Variants in NRG1 observed in about 807,000 individuals in gnomAD.
The protein encoded by NRG1 is pro-neuregulin-1, membrane-bound isoform.
In NRG1, 18 loss-of-function variants were observed where a neutral mutation model predicts 63.8. The ratio of observed to expected loss-of-function variants is 0.28; its 90% CI spans 0.19 to 0.42. The LOEUF is 0.42. Among genes scored for constraint, NRG1 ranks in the 10% least tolerant of loss-of-function variants. The probability of loss-of-function intolerance (pLI) is 1.00; values close to 1 mark genes in which losing one functional copy is unlikely to be tolerated. For missense variants in NRG1, 762 were observed against 814.7 expected (o/e 0.94, Z 0.79); for synonymous variants, 302 against 301.3 (o/e 1.00, Z -0.02).
chr8:31,640,483 G>T lies in NRG1; in HGVS notation c.37+1052G>T. The T allele has an allele frequency of 6.2e-7, 1 of 1,608,174 alleles. No individual in the cohort carries two copies. Among genetic ancestry groups the T allele is most frequent in the Non-Finnish European group, 8.5e-7 (1 of 1,178,194 alleles). On this transcript the variant is annotated intron_variant, in intron 1 of 10. Coordinates refer to the NRG1 transcript ENST00000519301. This position sits in a 1 kb window ranked among gnomAD's most constrained non-coding sequence, Gnocchi z 6.3. ...GCCCTATCTGGTGAAGGTGCACCAG[G>T]TGTGGGCGGTGAAAGCCGGGGGCTT...
chr8:32,724,475 G>A (rs1479879376), intron 5 of NRG1, among the ~76,000 whole-genome samples: 2 of 152,054 alleles, frequency 1.3e-5, no homozygotes, highest in African/African-American at 4.8e-5. Flanking sequence ...TTACATCCTG[G>A]TTGAATTACC....
intron 1 of NRG1, among the ~76,000 whole-genome samples, chr8:32,303,183 C>CAAAAAAAAAAA (rs1563291349): frequency 1.0e-4 from 6 of 59,700 alleles, no homozygotes; most frequent in African/African-American, 1.5e-4. Context: ...AACTCAGTCT[C>CAAAAAAAAAAA]CAAAAAAAAA....
chr8:32,771,713 A>T (rs1327322016), downstream of NRG1, among the ~76,000 whole-genome samples: 5 of 106,404 alleles, frequency 4.7e-5, no homozygotes, highest in African/African-American at 2.1e-4. Flanking sequence ...CTTTAAAAAA[A>T]AAATATATAT....
upstream of NRG1, among the ~76,000 whole-genome samples, chr8:32,543,697 C>T (rs1832788324): frequency 2.6e-5 from 4 of 152,224 alleles, no homozygotes; most frequent in South Asian, 8.3e-4. Context: ...TTAAAAGTCA[C>T]ACAAGCAGAA....
chr8:32,200,996 C>G (rs1444617829), intron 1 of NRG1, among the ~76,000 whole-genome samples: 1 of 152,120 alleles, frequency 6.6e-6, no homozygotes, highest in South Asian at 2.1e-4. Flanking sequence ...ATACCTTATT[C>G]TATAAACTTC....
At chr8:31,692,108 C>T (rs973467752) in intron 1 of NRG1, among the ~76,000 whole-genome samples, 1 of 152,214 alleles carries the variant, frequency 6.6e-6, no homozygotes, top group African/African-American at 2.4e-5. Context: ...GTTGGGATTA[C>T]AGGTGTGAGC....
At chr8:32,326,570 C>G (rs912806728) in intron 1 of NRG1, among the ~76,000 whole-genome samples, 4 of 152,108 alleles carry the variant, frequency 2.6e-5, no homozygotes, top group Non-Finnish European at 4.4e-5. Context: ...AGCAATCAAT[C>G]TATCTGCCTT....
chr8:32,641,646 A>G (rs1042135998), intron 5 of NRG1, among the ~76,000 whole-genome samples: 9 of 152,254 alleles, frequency 5.9e-5, no homozygotes, highest in Non-Finnish European at 1.2e-4. Flanking sequence ...CATAAAGAAC[A>G]AAATGTACCA....
chr8:32,488,329 A>G (rs1461746338), intron 1 of NRG1, among the ~76,000 whole-genome samples: 1 of 152,236 alleles, frequency 6.6e-6, no homozygotes, highest in Non-Finnish European at 1.5e-5. Flanking sequence ...GCAAAATCAG[A>G]GGAATTCATG....
chr8:31,926,726 C>T (rs868543139), intron 1 of NRG1, among the ~76,000 whole-genome samples: 1 of 152,078 alleles, frequency 6.6e-6, no homozygotes, highest in Non-Finnish European at 1.5e-5. Flanking sequence ...GTCAAAACCC[C>T]AGGGCTTTTA....
In NRG1 at chr8:31,977,033, C is replaced by G. The variant is rs186658429; in HGVS notation, c.37+337602C>G. Among the ~76,000 whole-genome samples the G allele has an allele frequency of 5.3e-5, 8 of 152,248 alleles. No individual in the cohort carries two copies. The East Asian group carries it at 1.5e-3, about 29-fold the overall frequency. On this transcript the variant is annotated intron_variant, in intron 1 of 10. Transcript: ENST00000519301. ...TATAGAGTGTTTGCATTAATCTCGA[C>G]TACACTAATTCAGAGCATGAGCTCT...
At chr8:31,822,026 C>T (rs181229213) in intron 1 of NRG1, among the ~76,000 whole-genome samples, 1 of 152,328 alleles carries the variant, frequency 6.6e-6, no homozygotes, top group African/African-American at 2.4e-5. Context: ...TTCATTTCCA[C>T]TGACCAATAG....
At chr8:32,304,992 G>T (rs1358313297) in intron 1 of NRG1, among the ~76,000 whole-genome samples, 1 of 151,962 alleles carries the variant, frequency 6.6e-6, no homozygotes. Flanking sequence ...TCCAGCCTGG[G>T]CGACAGAGAG....
intron 1 of NRG1, among the ~76,000 whole-genome samples, chr8:31,965,378 A>G (rs902966780): frequency 6.6e-6 from 1 of 151,976 alleles, no homozygotes; most frequent in Non-Finnish European, 1.5e-5. Flanking sequence ...GCACACCACC[A>G]TACCCAGGTA....
At chr8:32,366,386 T>G (rs1256575369) in intron 1 of NRG1, among the ~76,000 whole-genome samples, 1 of 152,036 alleles carries the variant, frequency 6.6e-6, no homozygotes, top group Admixed American at 6.6e-5. Flanking sequence ...ACTACCATTT[T>G]ACTCTCTACC....
At chr8:32,081,055 TGCTTG>T (rs1827388955) in intron 1 of NRG1, among the ~76,000 whole-genome samples, 1 of 152,118 alleles carries the variant, frequency 6.6e-6, no homozygotes, top group African/African-American at 2.4e-5. Flanking sequence ...GAGGACAATT[TGCTTG>T]ACTCGAAGTT....
In NRG1 at chr8:32,760,451, G is replaced by A. The variant is rs773535796; in HGVS notation, c.1259+45G>A. On this transcript the variant is annotated intron_variant, in intron 11 of 11. Coordinates refer to ENST00000356819, the Ensembl canonical transcript of NRG1. The stretch of plus-strand genomic sequence containing the variant: ...CTACTGCAGAGGAGAAACTCAGTCA[G>A]AGAATCCCTGTGAGCACCTGCGGTC... 1.7e-5 allele frequency: 28 copies of A among 1,609,314 alleles called. No individual in the cohort carries two copies. The South Asian group carries it at 3.1e-4, about 18-fold the overall frequency.
chr8:32,403,078 C>A (rs1022684888), intron 1 of NRG1, among the ~76,000 whole-genome samples: 2 of 151,958 alleles, frequency 1.3e-5, no homozygotes, highest in Non-Finnish European at 2.9e-5. Flanking sequence ...ACGGGTGGAT[C>A]ACCCAAGGTC....
Position 32,742,157 on chromosome 8 carries a change from C to A in NRG1, c.633-518C>A. ...CCACTTGGTGCTTTTACAGCTCAGT[C>A]GTAACTGATTCATTTTGTTCTAATT... On this transcript the variant is annotated intron_variant, in intron 6 of 11. Coordinates refer to ENST00000356819, the Ensembl canonical transcript of NRG1. This position sits in a 1 kb window ranked among gnomAD's most constrained non-coding sequence, Gnocchi z 4.2. 6 of 1,086,476 alleles carry A rather than the reference C, an allele frequency of 5.5e-6. No individual in the cohort carries two copies. The highest frequency in any genetic ancestry group is 3.8e-5 in the South Asian group (3 of 78,222). The allele number at this position is 1,086,476 out of a possible 1,614,324, so 67.3% of individuals were successfully genotyped here.
Sources: gnomAD v4.1 joint callset for allele counts (sites outside exome capture counted in the v4.1 genomes callset) on GRCh38, gnomAD v4.1.1 for gene constraint, Gnocchi (gnomAD v3.1) non-coding constraint, MANE v1.5 for transcripts, NCBI Gene and HGNC (gene_info 2026-07-23, HGNC 2026-07-21) for gene names.